The following ARHGEF7 variants were observed in gnomAD, a reference collection of about 807,000 sequenced individuals.
The protein encoded by ARHGEF7 is Rho guanine nucleotide exchange factor 7, also known as PAK-interacting exchange factor beta.
Under a neutral mutation model 109.8 loss-of-function variants are expected in ARHGEF7, and 33 were observed. That is an observed-to-expected ratio of 0.30 (90% confidence interval 0.23 to 0.40). The LOEUF is 0.40. ARHGEF7 is among the 10% of genes least tolerant of loss of function. ARHGEF7 has a pLI of 1.00. For missense variants in ARHGEF7, 938 were observed against 1,098.5 expected, an observed-to-expected ratio of 0.85 and a Z score of 2.07; for synonymous variants, 458 against 424.6, an observed-to-expected ratio of 1.08 and a Z score of -0.97.
chr13:111,224,073 C>T (rs7989545), intron 5 of ARHGEF7, among the ~76,000 whole-genome samples: 67,872 of 151,932 alleles, frequency 0.45, 15,849 homozygotes, highest in South Asian at 0.56. Context: ...GCCAGGCTGG[C>T]CTCGAACACC....
At chr13:111,202,877 C>T (rs1290541043) in intron 2 of ARHGEF7, among the ~76,000 whole-genome samples, 1 of 152,188 alleles carries the variant, frequency 6.6e-6, no homozygotes, top group Admixed American at 6.5e-5. Context: ...GCATTTTCCC[C>T]CTCTCAGGGG....
intron 2 of ARHGEF7, among the ~76,000 whole-genome samples, chr13:111,193,372 G>A (rs752602400): frequency 2.0e-5 from 3 of 152,118 alleles, no homozygotes; most frequent in African/African-American, 4.8e-5. Flanking sequence ...TCTGCCCTGC[G>A]GTTTCCTTCT....
rs1394489312 is a variant in ARHGEF7, at chr13:111,131,601, A to G, written c.165+15910A>G. 6.6e-6 allele frequency among the ~76,000 whole-genome samples: 1 copy of G among 152,314 alleles called. No homozygotes were observed. Among genetic ancestry groups the G allele is most frequent in the South Asian group, 2.1e-4 (1 of 4,830 alleles). Reference sequence around the variant, plus strand: ...GCCAGCCTTGGGAAGGGTGGAGATGAATAACCAGGTGGTGCTGATGAGCCT... The same window carrying G: ...GCCAGCCTTGGGAAGGGTGGAGATGGATAACCAGGTGGTGCTGATGAGCCT... On this transcript the variant is annotated intron_variant, in intron 1 of 21. Transcript: ENST00000646102. The surrounding 1 kb of genome is among the most constrained non-coding windows in gnomAD (Gnocchi z 4.4).
At position 111,224,977 on chromosome 13, in the gene ARHGEF7, T is replaced by C. The variant is rs957711077; in HGVS notation, c.670+7097T>C. ...AGAGAAGAACATAAATTAGAAGATA[T>C]GGGCCCCCCGAGGCAGGCGTAGGGA... On this transcript the variant is annotated intron_variant, in intron 5 of 21. Coordinates refer to ENST00000646102, the MANE Select transcript of ARHGEF7 (RefSeq NM_001354046.2). Among the ~76,000 whole-genome samples, 15 of 152,174 alleles carry C rather than the reference T, an allele frequency of 9.9e-5. No homozygotes were observed. In the South Asian group the frequency reaches 1.2e-3, roughly 13 times the overall value.
chr13:111,158,995 C>G, intron 2 of ARHGEF7: 3 of 718,066 alleles, frequency 4.2e-6, no homozygotes, highest in Non-Finnish European at 7.8e-6. Context: ...ATTTTGTACC[C>G]TTTGACTAAC....
chr13:111,248,189 G>A (rs796080477), intron 8 of ARHGEF7, among the ~76,000 whole-genome samples: 6 of 151,886 alleles, frequency 4.0e-5, no homozygotes, highest in African/African-American at 1.4e-4. Context: ...TAACAGATTT[G>A]TTGTTTCAGC....
chr13:111,168,354 TA>T (rs2077303827), intron 2 of ARHGEF7, among the ~76,000 whole-genome samples: 1 of 152,116 alleles, frequency 6.6e-6, no homozygotes, highest in African/African-American at 2.4e-5. Context: ...CCCAGCCACC[TA>T]GCAGCTGTTG....
chr13:111,273,926 C>T lies in ARHGEF7; in HGVS notation c.1186C>T (p.Leu396Phe). 2 of 1,614,168 alleles carry T rather than the reference C, an allele frequency of 1.2e-6. No homozygotes were observed. The highest frequency in any genetic ancestry group is 2.7e-5 in the African/African-American group (2 of 75,052). The change falls in exon 10 of 22, where the codon CTC (leucine) becomes TTC (phenylalanine). Residue 396 changes from leucine (L) to phenylalanine (F), a missense_variant. By Grantham distance (22) the Leu-to-Phe change is conservative (BLOSUM62 0). Around this residue, in one of 4 missense-constraint regions of ARHGEF7, gnomAD observed 585 missense variants for 723.6 expected, o/e 0.81. Coordinates refer to ENST00000646102, the MANE Select transcript of ARHGEF7 (RefSeq NM_001354046.2). This position sits in a 1 kb window ranked among gnomAD's most constrained non-coding sequence, Gnocchi z 4.5. ...GCGCCTGGATAAATACCCTACGCTG[C>T]TCAAAGAGCTCGAGAGACACATGGA... is the stretch of plus-strand genomic sequence containing the variant. ...FMRLDKYPTL[L>F]KELERHMEDY...
chr13:111,165,741 A>G (rs1373066011), intron 2 of ARHGEF7, among the ~76,000 whole-genome samples: 5 of 152,202 alleles, frequency 3.3e-5, no homozygotes, highest in Non-Finnish European at 7.3e-5. Context: ...TCGTGGCACA[A>G]GAGAGGGATT....
In ARHGEF7 at chr13:111,228,350, A is replaced by AG. The variant is rs1416066309; in HGVS notation, c.671-4853dup. On this transcript the variant is annotated intron_variant, in intron 5 of 21. Transcript: ENST00000646102. This position sits in a 1 kb window ranked among gnomAD's most constrained non-coding sequence, Gnocchi z 4.6. ...TATCGTCAGGTGTGATAATGGTCTG[A>AG]GGTTAGGGTTTTGAGTTTAAAGAAG... Among the ~76,000 whole-genome samples the AG allele has an allele frequency of 2.0e-5, 3 of 152,160 alleles. No homozygotes were observed. The highest frequency in any genetic ancestry group is 1.5e-5 in the Non-Finnish European group (1 of 68,030).
intron 16 of ARHGEF7, 100 bp from the exon 17 acceptor site, chr13:111,286,044 TATA>T: frequency 1.3e-6 from 1 of 793,124 alleles, no homozygotes; most frequent in Non-Finnish European, 2.1e-6. Context: ...TATCAGTGGC[TATA>T]ATAATTTGGG....
chr13:111,138,708 C>T (rs1004092071), intron 1 of ARHGEF7, among the ~76,000 whole-genome samples: 3 of 152,138 alleles, frequency 2.0e-5, no homozygotes, highest in South Asian at 2.1e-4. Flanking sequence ...TTCAGTCCAG[C>T]GTATGCTTTG....
intron 2 of ARHGEF7, among the ~76,000 whole-genome samples, chr13:111,195,623 C>A (rs978523460): frequency 2.6e-5 from 4 of 152,176 alleles, no homozygotes; most frequent in Admixed American, 1.3e-4. Context: ...CACCGTCAGT[C>A]CTGTTGTTGG....
rs528621352 is a variant in ARHGEF7, at chr13:111,191,082, G to T, written c.253-14207G>T. Among the ~76,000 whole-genome samples, 3 of 152,270 alleles carry T rather than the reference G, an allele frequency of 2.0e-5. No individual in the cohort carries two copies. The East Asian group carries it at 5.8e-4, about 29-fold the overall frequency. On this transcript the variant is annotated intron_variant, in intron 2 of 21. Transcript: ENST00000646102. The stretch of plus-strand genomic sequence containing the variant: ...AGTGGTGGGGGCGCTGCTGCAGGGG[G>T]TCCAGGGGTGAATGGTCATGCAGGG...
At chr13:111,167,661 G>C (rs2077234359) in intron 2 of ARHGEF7, among the ~76,000 whole-genome samples, 1 of 152,166 alleles carries the variant, frequency 6.6e-6, no homozygotes, top group Admixed American at 6.5e-5. Context: ...AGCAAACAGA[G>C]TGTTACAGGC....
chr13:111,115,292 GGGCGGCGGCGGGC>G (rs2066657516), upstream of ARHGEF7: 1 of 150,764 alleles, frequency 6.6e-6, no homozygotes, highest in Non-Finnish European at 1.4e-5. Flanking sequence ...CGAGGCCGGG[GGGCGGCGGCGGGC>G]GCCCGCAGGT....
At chr13:111,133,757 TTTTCTTTATATATATA>T (rs1159967346) in intron 1 of ARHGEF7, among the ~76,000 whole-genome samples, 24 of 115,838 alleles carry the variant, frequency 2.1e-4, no homozygotes, top group South Asian at 8.9e-4. Context: ...GAGAATCTGC[TTTTCTTTATATATATA>T]TATATATATA....
intron 5 of ARHGEF7, among the ~76,000 whole-genome samples, chr13:111,229,072 T>A (rs2085641513): frequency 6.6e-6 from 1 of 151,788 alleles, no homozygotes; most frequent in African/African-American, 2.4e-5. Flanking sequence ...GGGGAGGGCA[T>A]TGCACCTGGC....
chr13:111,118,232 A>G (rs377546396), intron 1 of ARHGEF7, among the ~76,000 whole-genome samples: 6 of 152,214 alleles, frequency 3.9e-5, no homozygotes, highest in African/African-American at 1.2e-4. Flanking sequence ...TTCTTCCATT[A>G]CGCTCATTTG....
Sources: gnomAD v4.1 joint callset for allele counts (sites outside exome capture counted in the v4.1 genomes callset) on GRCh38, gnomAD v4.1.1 for gene constraint, gnomAD v4.1.1 regional missense constraint, Gnocchi (gnomAD v3.1) non-coding constraint, MANE v1.5 for transcripts, NCBI Gene and HGNC (gene_info 2026-07-23, HGNC 2026-07-21) for gene names.